CCDC178: variants seen among roughly 807,000 people sequenced by gnomAD.
CCDC178 encodes the protein coiled-coil domain-containing protein 178.
In CCDC178, 126 loss-of-function variants were observed where a neutral mutation model predicts 117.4. The observed-to-expected ratio is 1.07, with a 90% CI of 0.93 to 1.24. CCDC178 has a LOEUF of 1.24. Ranked by LOEUF, CCDC178 falls within the 50% of genes most tolerant of loss-of-function variation. The pLI is 0.00. For missense variants in CCDC178, 1,030 were observed against 986.9 expected (o/e 1.04, Z -0.59); for synonymous variants, 283 against 313.4 (o/e 0.90, Z 1.02).
intron 9 of CCDC178, among the ~76,000 whole-genome samples, chr18:33,340,303 A>T (rs1410020572): frequency 1.3e-5 from 2 of 152,198 alleles, no homozygotes; most frequent in Non-Finnish European, 2.9e-5. Flanking sequence ...CTAAGCAGCG[A>T]AGCACTCAAG....
intron 20 of CCDC178, among the ~76,000 whole-genome samples, chr18:33,125,739 C>G (rs1266309569): frequency 6.6e-6 from 1 of 152,084 alleles, no homozygotes; most frequent in African/African-American, 2.4e-5. Context: ...TGCTTTGGGC[C>G]TAGAGGCTGG....
At chr18:33,216,771 A>C (rs1392996651) in intron 18 of CCDC178, among the ~76,000 whole-genome samples, 2 of 151,962 alleles carry the variant, frequency 1.3e-5, no homozygotes, top group Non-Finnish European at 2.9e-5. Context: ...ATAATTTTCT[A>C]CTGATAAATA....
chr18:32,985,645 C>G (rs2055246476), intron 21 of CCDC178, among the ~76,000 whole-genome samples: 1 of 151,874 alleles, frequency 6.6e-6, no homozygotes, highest in African/African-American at 2.4e-5. Context: ...TTACTAATAC[C>G]ATTCTTTCAG....
chr18:33,283,540 G>A (rs9962884), intron 12 of CCDC178, among the ~76,000 whole-genome samples: 10,620 of 152,062 alleles, frequency 0.07, 570 homozygotes, highest in African/African-American at 0.14. Flanking sequence ...AATATCTAGC[G>A]TTTATAAGGA....
intron 11 of CCDC178, among the ~76,000 whole-genome samples, chr18:33,308,144 C>T (rs2144938801): frequency 1.3e-5 from 2 of 152,332 alleles, no homozygotes; most frequent in Admixed American, 1.3e-4. Context: ...AAGCCACAGA[C>T]ACTCAATACC....
At position 33,230,038 on chromosome 18, in the gene CCDC178, T is replaced by C. The variant is rs115126399; in HGVS notation, c.1594-3183A>G. On this transcript the variant is annotated intron_variant, in intron 15 of 22. Coordinates refer to ENST00000383096, the MANE Select transcript of CCDC178 (RefSeq NM_001105528.4). The stretch of plus-strand genomic sequence containing the variant: ...TGTGGTCTGCTTAGTGAAATACTGA[T>C]TGCCTACATTGGGCAAAATCCTCTA... Among the ~76,000 whole-genome samples the C allele has an allele frequency of 8.4e-3, 1,286 of 152,262 alleles. 22 individuals carry two copies. Among genetic ancestry groups the C allele is most frequent in the African/African-American group, 0.029 (1,201 of 41,564 alleles).
intron 4 of CCDC178, among the ~76,000 whole-genome samples, chr18:33,393,028 T>C (rs994788100): frequency 6.6e-6 from 1 of 152,148 alleles, no homozygotes; most frequent in African/African-American, 2.4e-5. Context: ...CATCATGGTC[T>C]TCCCGTGAAT....
chr18:33,079,229 G>A (rs975636076), intron 21 of CCDC178, among the ~76,000 whole-genome samples: 1 of 152,170 alleles, frequency 6.6e-6, no homozygotes, highest in Non-Finnish European at 1.5e-5. Context: ...GAAATATGCA[G>A]AAGTTTGAAA....
intron 21 of CCDC178, among the ~76,000 whole-genome samples, chr18:33,039,157 C>A (rs2056500516): frequency 6.6e-6 from 1 of 151,726 alleles, no homozygotes; most frequent in African/African-American, 2.4e-5. Context: ...TATAATTCTT[C>A]AAATAAAAAC....
chr18:33,435,618 A>C (rs1334453304), intron 2 of CCDC178, among the ~76,000 whole-genome samples: 1 of 149,452 alleles, frequency 6.7e-6, no homozygotes, highest in Non-Finnish European at 1.5e-5. Flanking sequence ...TTATTGAAGA[A>C]GACCATGATT....
chr18:33,431,395 A>T (rs551878737), intron 2 of CCDC178, among the ~76,000 whole-genome samples: 1 of 151,972 alleles, frequency 6.6e-6, no homozygotes, highest in Non-Finnish European at 1.5e-5. Flanking sequence ...ATTCAATAAC[A>T]TGATTTTTCA....
At chr18:33,254,644 A>C (rs1200525006) in intron 14 of CCDC178, among the ~76,000 whole-genome samples, 1 of 152,020 alleles carries the variant, frequency 6.6e-6, no homozygotes, top group Non-Finnish European at 1.5e-5. Context: ...AGCTTCTGGG[A>C]ATAGCTAATG....
At chr18:33,008,846 A>G (rs914884464) in intron 21 of CCDC178, among the ~76,000 whole-genome samples, 5 of 152,126 alleles carry the variant, frequency 3.3e-5, no homozygotes, top group Non-Finnish European at 7.4e-5. Flanking sequence ...TAGTATCTCC[A>G]GTAAGGATAC....
chr18:33,158,991 G>A (rs1175765897), intron 20 of CCDC178, among the ~76,000 whole-genome samples: 1 of 152,072 alleles, frequency 6.6e-6, no homozygotes, highest in Non-Finnish European at 1.5e-5. Context: ...GATGAGGACA[G>A]CCTCGTTGTC....
At chr18:33,142,149 G>A (rs1425801688) in intron 20 of CCDC178, among the ~76,000 whole-genome samples, 1 of 152,164 alleles carries the variant, frequency 6.6e-6, no homozygotes, top group Non-Finnish European at 1.5e-5. Flanking sequence ...CTCAACTGGG[G>A]TAATTTTGCC....
At chr18:33,318,009 T>C (rs2062444066) in intron 11 of CCDC178, among the ~76,000 whole-genome samples, 2 of 152,040 alleles carry the variant, frequency 1.3e-5, no homozygotes, top group Admixed American at 6.5e-5. Flanking sequence ...GAAGAAGGCA[T>C]AGGAGGACAA....
chr18:33,123,616 GA>G (rs1274461293), intron 20 of CCDC178, among the ~76,000 whole-genome samples: 4 of 152,036 alleles, frequency 2.6e-5, no homozygotes. Context: ...ATTGAACATG[GA>G]AAAGACCAAT....
intron 3 of CCDC178, 67 bp from the exon 4 acceptor site, chr18:33,397,275 G>T: frequency 9.8e-7 from 1 of 1,020,492 alleles, no homozygotes; most frequent in Non-Finnish European, 1.5e-6. Flanking sequence ...GCCCTATATT[G>T]CACTAGTAAG....
At chr18:33,369,351 G>C (rs996950381) in intron 6 of CCDC178, among the ~76,000 whole-genome samples, 5 of 151,736 alleles carry the variant, frequency 3.3e-5, no homozygotes, top group African/African-American at 1.2e-4. Context: ...ACTGAGAATT[G>C]TAAGTGGCCC....
Sources: gnomAD v4.1 joint callset for allele counts (sites outside exome capture counted in the v4.1 genomes callset) on GRCh38, gnomAD v4.1.1 for gene constraint, MANE v1.5 for transcripts, NCBI Gene and HGNC (gene_info 2026-07-23, HGNC 2026-07-21) for gene names.